The following WDR44 variants were observed in gnomAD, a reference collection of about 807,000 sequenced individuals.
The protein encoded by WDR44 is WD repeat domain 44.
In WDR44, 9 loss-of-function variants were observed where a neutral mutation model predicts 65.7. The ratio of observed to expected loss-of-function variants is 0.14; its 90% CI spans 0.08 to 0.24. The LOEUF (loss-of-function observed/expected upper bound fraction) is 0.24. Among genes scored for constraint, WDR44 ranks in the 10% least tolerant of loss-of-function variants. The pLI is 1.00. For synonymous variants in WDR44, 220 were observed against 235.2 expected, an observed-to-expected ratio of 0.94 and a Z score of 0.59; for missense variants, 425 against 670.9, an observed-to-expected ratio of 0.63 and a Z score of 4.05.
chrX:118,409,316 G>A (rs985075942), intron 10 of WDR44, among the ~76,000 whole-genome samples, 173 bp from the exon 11 acceptor site: 11 of 110,365 alleles, frequency 1.0e-4, no homozygotes, highest in African/African-American at 3.6e-4. Context: ...TTTTAGCAGA[G>A]ATGGGGTTTT....
intron 2 of WDR44, chrX:118,386,556 T>A (rs1005103003): frequency 6.3e-6 from 2 of 318,417 alleles, no homozygotes; most frequent in African/African-American, 5.8e-5. Flanking sequence ...CTAAAGCATG[T>A]AGAATTTTAA....
chrX:118,347,813 A>G (rs2056366153), intron 1 of WDR44, among the ~76,000 whole-genome samples: 3 of 112,579 alleles, frequency 2.7e-5, no homozygotes, highest in Non-Finnish European at 5.6e-5. Context: ...CCTTCATGTC[A>G]CTGTTGTGGG....
At chrX:118,371,903 A>G (rs763065031) in intron 1 of WDR44, among the ~76,000 whole-genome samples, 12 of 111,118 alleles carry the variant, frequency 1.1e-4, no homozygotes, top group Non-Finnish European at 1.7e-4. Flanking sequence ...GCAAAAAATT[A>G]CCTTAATATG....
At chrX:118,393,947 G>C (rs914746972) in intron 4 of WDR44, 108 bp from the exon 5 acceptor site, 1 of 686,026 alleles carries the variant, frequency 1.5e-6, no homozygotes, top group African/African-American at 2.2e-5. Context: ...TTGAACCATG[G>C]TTTCCCTGTA....
intron 1 of WDR44, among the ~76,000 whole-genome samples, chrX:118,361,293 T>C (rs1300856295): frequency 8.9e-6 from 1 of 111,945 alleles, no homozygotes; most frequent in Non-Finnish European, 1.9e-5. Context: ...GAAGGGTTCA[T>C]GTGTTCGTTT....
chrX:118,406,536 C>T (rs2056969321), intron 9 of WDR44, among the ~76,000 whole-genome samples: 1 of 111,529 alleles, frequency 9.0e-6, no homozygotes, highest in Non-Finnish European at 1.9e-5. Flanking sequence ...TATTCAGTGC[C>T]TGGGACTGTA....
At chrX:118,363,065 A>G (rs765564568) in intron 1 of WDR44, among the ~76,000 whole-genome samples, 1 of 108,561 alleles carries the variant, frequency 9.2e-6, no homozygotes, top group Non-Finnish European at 1.9e-5. Context: ...TTTAGTGTCC[A>G]ATGCTTTTTT....
chrX:118,439,107 G>C (rs1235834006), intron 14 of WDR44, among the ~76,000 whole-genome samples: 3 of 108,538 alleles, frequency 2.8e-5, no homozygotes, highest in Non-Finnish European at 5.7e-5. Context: ...TTTTTATAGT[G>C]CTTTTATTTG....
intron 1 of WDR44, among the ~76,000 whole-genome samples, chrX:118,367,159 C>T (rs1026141131): frequency 9.9e-5 from 11 of 111,400 alleles, no homozygotes; most frequent in Admixed American, 2.9e-4. Context: ...AAGAGGAGTA[C>T]TGATATTTTT....
chrX:118,445,990 A>G (rs2057342604), intron 19 of WDR44, among the ~76,000 whole-genome samples: 1 of 103,544 alleles, frequency 9.7e-6, no homozygotes, highest in Admixed American at 1.1e-4. Flanking sequence ...AGATCACGCC[A>G]CTGCACTCCA....
At chrX:118,444,250 C>G in intron 18 of WDR44, 110 bp from the exon 19 acceptor site, 2 of 929,920 alleles carry the variant, frequency 2.2e-6, no homozygotes, top group Middle Eastern at 3.0e-4. Flanking sequence ...TTAAATCACT[C>G]TTAGTTACTT....
chrX:118,360,813 G>A (rs1812340323), intron 1 of WDR44, among the ~76,000 whole-genome samples: 1 of 111,623 alleles, frequency 9.0e-6, no homozygotes, highest in Admixed American at 9.6e-5. Flanking sequence ...CAAGCTGTAG[G>A]GTAATTTCCT....
chrX:118,442,186 T>C (rs2057309691), intron 15 of WDR44, 58 bp from the exon 16 acceptor site: 2 of 1,025,451 alleles, frequency 2.0e-6, no homozygotes, highest in African/African-American at 3.7e-5. Flanking sequence ...GAGTTACAGA[T>C]ACGAGCCACC....
chrX:118,420,533 G>A (rs1316693639), intron 12 of WDR44, among the ~76,000 whole-genome samples: 2 of 111,494 alleles, frequency 1.8e-5, no homozygotes, highest in Non-Finnish European at 3.8e-5. Context: ...GATTACAGGC[G>A]TGAGCCACCA....
intron 16 of WDR44, 71 bp downstream of exon 16, chrX:118,442,416 A>G: frequency 1.0e-6 from 1 of 993,633 alleles, no homozygotes; most frequent in Non-Finnish European, 1.4e-6. Context: ...ATATCTTGGC[A>G]AAAAAATGTA....
At chrX:118,361,902 C>T (rs1252552785) in intron 1 of WDR44, among the ~76,000 whole-genome samples, 1 of 112,225 alleles carries the variant, frequency 8.9e-6, no homozygotes, top group Non-Finnish European at 1.9e-5. Flanking sequence ...AATAATTGCC[C>T]AGAGAAAAAC....
chrX:118,390,272 G>A (rs2056808369), intron 3 of WDR44, among the ~76,000 whole-genome samples: 1 of 110,242 alleles, frequency 9.1e-6, no homozygotes, highest in Admixed American at 9.8e-5. Context: ...ATCTCTATGT[G>A]TGTCTTGGTT....
At chrX:118,371,995 T>TTA in intron 1 of WDR44, among the ~76,000 whole-genome samples, 1 of 92,916 alleles carries the variant, frequency 1.1e-5, no homozygotes, top group South Asian at 4.6e-4. Context: ...CTTTTTTTAT[T>TTA]TCTTTTTTTT....
intron 16 of WDR44, 41 bp downstream of exon 16, chrX:118,442,386 T>G: frequency 9.4e-7 from 1 of 1,069,398 alleles, no homozygotes; most frequent in Non-Finnish European, 1.3e-6. Flanking sequence ...ATACTATATG[T>G]AGATTCTTGA....
Sources: allele counts gnomAD v4.1 joint callset (sites outside exome capture counted in the v4.1 genomes callset), GRCh38; gene constraint gnomAD v4.1.1; transcripts MANE v1.5; gene names NCBI Gene and HGNC (gene_info 2026-07-23, HGNC 2026-07-21).